HMGXB4: variants seen among roughly 807,000 people sequenced by gnomAD.
The protein encoded by HMGXB4 is HMG-box containing 4.
HMGXB4 carries 27 observed loss-of-function variants against 63.9 expected under a neutral mutation model. That is an observed-to-expected ratio of 0.42 (90% CI 0.31 to 0.58). The LOEUF (loss-of-function observed/expected upper bound fraction) is 0.58, where lower values mean the gene tolerates loss of function less well. HMGXB4 is among the 20% of genes least tolerant of loss of function. The pLI, the probability that HMGXB4 is intolerant of heterozygous loss-of-function variation, is 0.13. For missense variants in HMGXB4, 624 were observed against 700.7 expected, an observed-to-expected ratio of 0.89 and a Z score of 1.24; for synonymous variants, 264 against 265.3, an observed-to-expected ratio of 0.99 and a Z score of 0.05.
At chr22:35,283,569 C>G (rs1160338824) in intron 5 of HMGXB4, among the ~76,000 whole-genome samples, 1 of 152,084 alleles carries the variant, frequency 6.6e-6, no homozygotes, top group Non-Finnish European at 1.5e-5. Context: ...GTGGGCAGAT[C>G]GCCTGAGGTC....
intron 5 of HMGXB4, among the ~76,000 whole-genome samples, chr22:35,271,471 C>A (rs554686256): frequency 1.3e-5 from 2 of 152,274 alleles, no homozygotes; most frequent in African/African-American, 4.8e-5. Flanking sequence ...TCGGGAGATT[C>A]AACATAGCTA....
At position 35,279,099 on chromosome 22, in the gene HMGXB4, C is replaced by G. The variant is rs377126759; in HGVS notation, c.1216-4863C>G. 2.1e-3 allele frequency among the ~76,000 whole-genome samples: 293 copies of G among 141,308 alleles called. 2 individuals carry two copies. The highest frequency in any genetic ancestry group is 3.9e-3 in the Middle Eastern group (1 of 254). The allele number at this position is 141,308 out of a possible 152,430, so 92.7% of individuals were successfully genotyped here. ...TAATAGTTCTTAATCAGCTATGCCC[C>G]TTGTAAATATTTTCTCACAGTCTAT... On this transcript the variant is annotated intron_variant, in intron 5 of 10. Coordinates refer to ENST00000216106, the MANE Select transcript of HMGXB4 (RefSeq NM_001003681.3).
chr22:35,275,636 T>G (rs1159911590), intron 5 of HMGXB4, among the ~76,000 whole-genome samples: 11 of 152,148 alleles, frequency 7.2e-5, no homozygotes, highest in Non-Finnish European at 1.5e-5. Context: ...CCCAGAGTTT[T>G]GGGAGGCCAA....
At chr22:35,270,082 G>A (rs1330966456) in intron 5 of HMGXB4, among the ~76,000 whole-genome samples, 11 of 152,156 alleles carry the variant, frequency 7.2e-5, no homozygotes, top group Admixed American at 3.3e-4. Flanking sequence ...ACCTACAGCA[G>A]GGGTCCCCAG....
chr22:35,282,937 A>G (rs992332074), intron 5 of HMGXB4, among the ~76,000 whole-genome samples: 1 of 152,250 alleles, frequency 6.6e-6, no homozygotes, highest in African/African-American at 2.4e-5. Flanking sequence ...TCTGTTTTAT[A>G]TATTTCTTGT....
rs189027595 is a variant in HMGXB4 at position 35,267,275 on chromosome 22, A to G, written c.1215+1672A>G. 2.0e-3 allele frequency among the ~76,000 whole-genome samples: 298 copies of G among 152,042 alleles called. 2 individuals carry two copies. The highest frequency in any genetic ancestry group is 6.9e-3 in the African/African-American group (288 of 41,518). ...TGAACATAAAGACCTGGATATTCCA[A>G]TACTAAGTCAGGTTTTATTCAGTTG... On this transcript the variant is annotated intron_variant, in intron 5 of 10. Coordinates refer to ENST00000216106, the MANE Select transcript of HMGXB4 (RefSeq NM_001003681.3).
At chr22:35,292,891 T>C (rs1925014771) in intron 9 of HMGXB4, 101 bp from the exon 10 acceptor site, 2 of 1,376,020 alleles carry the variant, frequency 1.5e-6, no homozygotes, top group Non-Finnish European at 2.0e-6. Flanking sequence ...TTTCAAATTA[T>C]AAGAGTAGAA....
intron 1 of HMGXB4, among the ~76,000 whole-genome samples, chr22:35,261,666 A>G (rs183097646): frequency 1.3e-5 from 2 of 152,318 alleles, no homozygotes; most frequent in East Asian, 1.9e-4. Context: ...ATTTTCACCT[A>G]GCCTTTAAGA....
At chr22:35,292,135 G>A (rs939946802) in intron 9 of HMGXB4, among the ~76,000 whole-genome samples, 1 of 152,232 alleles carries the variant, frequency 6.6e-6, no homozygotes, top group African/African-American at 2.4e-5. Flanking sequence ...AGATCAAGAT[G>A]TTGGTAGTAA....
At position 35,288,290 on chromosome 22, in the gene HMGXB4, G is replaced by T; in HGVS notation, c.1521G>T (p.Met507Ile). The T allele has an allele frequency of 1.2e-6, 2 of 1,610,396 alleles. No homozygotes were observed. The highest frequency in any genetic ancestry group is 1.7e-6 in the Non-Finnish European group (2 of 1,177,930). The change falls in exon 9 of 11, where the codon ATG becomes ATT. Residue 507 changes from methionine (M) to isoleucine (I), a missense_variant. Coordinates refer to ENST00000216106, the MANE Select transcript of HMGXB4 (RefSeq NM_001003681.3). ...SPQKKSPPTT[M>I]LLPASPAKAP... Reference sequence around the variant, plus strand: ...AGAAGAAGTCCCCACCCACCACCATGCTGTTACCAGCCTCACCAGCCAAAG... The same window carrying T: ...AGAAGAAGTCCCCACCCACCACCATTCTGTTACCAGCCTCACCAGCCAAAG...
At chr22:35,242,307 GCTAAA>G in the HMGXB4 span, among the ~76,000 whole-genome samples, 183 of 152,236 alleles carry the variant, frequency 1.2e-3, 3 homozygotes, top group African/African-American at 4.2e-3. Context: ...CATCTAGGCT[GCTAAA>G]TTTAAATTAT....
At chr22:35,281,373 G>T (rs1479129384) in intron 5 of HMGXB4, among the ~76,000 whole-genome samples, 2 of 152,130 alleles carry the variant, frequency 1.3e-5, no homozygotes, top group Non-Finnish European at 2.9e-5. Context: ...CCACCACCCA[G>T]CACAGGTACT....
chr22:35,262,427 A>T lies in HMGXB4; in HGVS notation c.31+6A>T. ...TGACTCCGTGAAGAAAGAAGGTATG[A>T]CCCCATAATCTGAGAAGCATTCCAA... On this transcript the variant is annotated splice_donor_region_variant and intron_variant, in intron 2 of 10. Coordinates refer to ENST00000216106, the MANE Select transcript of HMGXB4 (RefSeq NM_001003681.3). The T allele has an allele frequency of 6.2e-7, 1 of 1,613,544 alleles. No individual in the cohort carries two copies. Among genetic ancestry groups the T allele is most frequent in the Non-Finnish European group, 8.5e-7 (1 of 1,179,472 alleles).
At chr22:35,272,328 G>C (rs1473811783) in intron 5 of HMGXB4, among the ~76,000 whole-genome samples, 1 of 151,218 alleles carries the variant, frequency 6.6e-6, no homozygotes, top group Non-Finnish European at 1.5e-5. Context: ...AGTGAACGCA[G>C]CAGCGGTGGG....
At chr22:35,292,947 A>G (rs1925018779) in intron 9 of HMGXB4, 45 bp from the exon 10 acceptor site, 1 of 1,613,406 alleles carries the variant, frequency 6.2e-7, no homozygotes, top group Non-Finnish European at 8.5e-7. Context: ...GCCGGAACAC[A>G]GCATCAGGAG....
At chr22:35,251,741 G>A in the HMGXB4 span, among the ~76,000 whole-genome samples, 2 of 152,184 alleles carry the variant, frequency 1.3e-5, no homozygotes, top group South Asian at 2.1e-4. Context: ...GCAAGGAAGT[G>A]CACATATTTA....
intron 1 of HMGXB4, among the ~76,000 whole-genome samples, chr22:35,260,260 G>T (rs1338404677): frequency 6.6e-6 from 1 of 152,200 alleles, no homozygotes; most frequent in African/African-American, 2.4e-5. Flanking sequence ...TTCATGCACA[G>T]AAAGTGTTTA....
At chr22:35,265,818 G>A (rs1234510558) in intron 5 of HMGXB4, among the ~76,000 whole-genome samples, 1 of 148,426 alleles carries the variant, frequency 6.7e-6, no homozygotes. Context: ...ATGGAGTCTC[G>A]CTCTGTCGCC....
intron 5 of HMGXB4, among the ~76,000 whole-genome samples, chr22:35,277,392 A>C (rs370456676): frequency 6.6e-6 from 1 of 152,342 alleles, no homozygotes; most frequent in African/African-American, 2.4e-5. Context: ...CATGTTGCCC[A>C]GGCTGGAGGG....
Sources: allele counts gnomAD v4.1 joint callset (sites outside exome capture counted in the v4.1 genomes callset), GRCh38; gene constraint gnomAD v4.1.1; transcripts MANE v1.5; gene names NCBI Gene and HGNC (gene_info 2026-07-23, HGNC 2026-07-21).